The following TEK variants were observed in gnomAD, a reference collection of about 807,000 sequenced individuals.
The protein encoded by TEK is angiopoietin-1 receptor.
Under a neutral mutation model 131.8 loss-of-function variants are expected in TEK, and 43 were observed. The observed-to-expected ratio is 0.33, with a 90% CI of 0.26 to 0.42. The LOEUF (loss-of-function observed/expected upper bound fraction) is 0.42. Ranked by LOEUF, TEK falls within the 10% of genes least tolerant of loss-of-function variation. TEK has a pLI of 1.00. For synonymous variants in TEK, 580 were observed against 491.6 expected, an observed-to-expected ratio of 1.18 and a Z score of -2.38; for missense variants, 1,162 against 1,384.4, an observed-to-expected ratio of 0.84 and a Z score of 2.55.
intron 9 of TEK, among the ~76,000 whole-genome samples, chr9:27,186,321 C>T (rs142063309): frequency 4.6e-5 from 7 of 152,174 alleles, no homozygotes; most frequent in African/African-American, 7.2e-5. Flanking sequence ...ATTTTAAATC[C>T]GCAAGTTACT....
intron 21 of TEK, among the ~76,000 whole-genome samples, chr9:27,226,840 C>G (rs1826350549): frequency 2.0e-5 from 3 of 152,058 alleles, no homozygotes. Context: ...ACCAGCATTC[C>G]CAGAACTATC....
intron 11 of TEK, among the ~76,000 whole-genome samples, chr9:27,194,744 G>T (rs1429572185): frequency 6.6e-6 from 1 of 152,184 alleles, no homozygotes; most frequent in Non-Finnish European, 1.5e-5. Flanking sequence ...GTTCTCAGGG[G>T]TAGGCGGGAA....
intron 12 of TEK, among the ~76,000 whole-genome samples, chr9:27,200,838 A>G (rs1825189988): frequency 6.6e-6 from 1 of 152,150 alleles, no homozygotes; most frequent in Non-Finnish European, 1.5e-5. Context: ...AGGAAAGTAG[A>G]GTAAGAATGA....
At chr9:27,138,067 T>A (rs1308091276) in intron 1 of TEK, among the ~76,000 whole-genome samples, 1 of 152,174 alleles carries the variant, frequency 6.6e-6, no homozygotes, top group Non-Finnish European at 1.5e-5. Flanking sequence ...GAGTTGTTTG[T>A]TCCTTCCGGT....
chr9:27,174,982 T>TTTATTA lies in TEK; in HGVS notation c.901+1637_901+1642dup, dbSNP rs369673345. Among the ~76,000 whole-genome samples, 23 of 150,512 alleles carry TTTATTA rather than the reference T, an allele frequency of 1.5e-4. No individual in the cohort carries two copies. The South Asian group carries it at 2.1e-3, about 14-fold the overall frequency. ...TTTTTTTGTTTTTTTTTTAATTCTT[T>TTTATTA]TTATTATTATTATTATTATTATACT... On this transcript the variant is annotated intron_variant, in intron 6 of 22. Coordinates refer to ENST00000380036, the MANE Select transcript of TEK (RefSeq NM_000459.5).
intron 1 of TEK, 98 bp downstream of exon 1, chr9:27,109,740 A>ATTT: frequency 8.1e-7 from 1 of 1,234,058 alleles, no homozygotes; most frequent in Non-Finnish European, 1.2e-6. Context: ...CTGATGAACA[A>ATTT]GGGGTGGCTG....
intron 1 of TEK, among the ~76,000 whole-genome samples, chr9:27,149,114 A>C (rs1823036380): frequency 6.6e-6 from 1 of 152,190 alleles, no homozygotes; most frequent in African/African-American, 2.4e-5. Context: ...AATCTCACTC[A>C]CTCATTTATT....
chr9:27,115,344 C>T (rs1349585449), intron 1 of TEK, among the ~76,000 whole-genome samples: 1 of 151,890 alleles, frequency 6.6e-6, no homozygotes, highest in East Asian at 1.9e-4. Context: ...ACAAAAAATA[C>T]AAAAATTAGC....
At chr9:27,123,450 A>G (rs1821875748) in intron 1 of TEK, among the ~76,000 whole-genome samples, 3 of 152,126 alleles carry the variant, frequency 2.0e-5, no homozygotes, top group African/African-American at 7.2e-5. Context: ...ATTAGGCGAT[A>G]TTTTAGTTTT....
At chr9:27,194,306 A>T (rs987957886) in intron 11 of TEK, among the ~76,000 whole-genome samples, 2 of 152,212 alleles carry the variant, frequency 1.3e-5, no homozygotes, top group East Asian at 3.9e-4. Flanking sequence ...TAACAGAAAC[A>T]TCCTTCCTTC....
chr9:27,166,752 T>C (rs1823745289), intron 2 of TEK, among the ~76,000 whole-genome samples: 1 of 152,126 alleles, frequency 6.6e-6, no homozygotes, highest in Non-Finnish European at 1.5e-5. Flanking sequence ...CACAGTTTTA[T>C]GTGTGTGTGT....
chr9:27,227,650 G>A (rs1038206667), intron 21 of TEK, among the ~76,000 whole-genome samples: 2 of 152,040 alleles, frequency 1.3e-5, no homozygotes, highest in Non-Finnish European at 2.9e-5. Flanking sequence ...GTAAGAGCAC[G>A]AATCCCATTC....
intron 1 of TEK, among the ~76,000 whole-genome samples, chr9:27,110,271 T>C (rs746033868): frequency 4.6e-5 from 7 of 151,962 alleles, no homozygotes; most frequent in Non-Finnish European, 7.4e-5. Flanking sequence ...TCATAAAGGG[T>C]TTACTGGCCC....
intron 3 of TEK, among the ~76,000 whole-genome samples, chr9:27,168,962 G>C (rs1489364957): frequency 6.6e-6 from 1 of 152,208 alleles, no homozygotes; most frequent in African/African-American, 2.4e-5. Flanking sequence ...GAAGCCAATT[G>C]TTAGCAGTTC....
At chr9:27,178,292 G>A (rs1298828562) in intron 6 of TEK, among the ~76,000 whole-genome samples, 2 of 151,830 alleles carry the variant, frequency 1.3e-5, no homozygotes, top group Non-Finnish European at 2.9e-5. Context: ...TTATTTCTGG[G>A]CTGTCAATTC....
At chr9:27,126,856 C>T (rs1254358005) in intron 1 of TEK, among the ~76,000 whole-genome samples, 3 of 152,168 alleles carry the variant, frequency 2.0e-5, no homozygotes, top group African/African-American at 7.2e-5. Context: ...CCAGATTTGA[C>T]TGGATTCCCC....
At chr9:27,212,265 TAAC>T (rs1825663525) in intron 16 of TEK, among the ~76,000 whole-genome samples, 1 of 152,236 alleles carries the variant, frequency 6.6e-6, no homozygotes, top group African/African-American at 2.4e-5. Context: ...TGAAAAATAA[TAAC>T]AACCTCAGGA....
chr9:27,160,730 A>G (rs1823516273), intron 2 of TEK, among the ~76,000 whole-genome samples: 1 of 152,212 alleles, frequency 6.6e-6, no homozygotes, highest in Non-Finnish European at 1.5e-5. Context: ...AATGAAGGAA[A>G]GGGTTTTCTT....
At chr9:27,185,704 A>ATG in intron 9 of TEK, 75 bp downstream of exon 9, 1 of 1,584,204 alleles carries the variant, frequency 6.3e-7, no homozygotes, top group Non-Finnish European at 8.6e-7. Context: ...CTAGACAGAA[A>ATG]TGTATGCGAC....
Sources: allele counts gnomAD v4.1 joint callset (sites outside exome capture counted in the v4.1 genomes callset), GRCh38; gene constraint gnomAD v4.1.1; transcripts MANE v1.5; gene names NCBI Gene and HGNC (gene_info 2026-07-23, HGNC 2026-07-21).